The following MTAP variants were observed in gnomAD, a reference collection of about 807,000 sequenced individuals.
MTAP encodes methylthioadenosine phosphorylase.
Under a neutral mutation model 33.6 loss-of-function variants are expected in MTAP, and 33 were observed. That is an observed-to-expected ratio of 0.98 (90% confidence interval 0.74 to 1.31). MTAP has a LOEUF of 1.31. Ranked by LOEUF, MTAP falls within the 40% of genes most tolerant of loss-of-function variation. The pLI, the probability that MTAP is intolerant of heterozygous loss-of-function variation, is 0.00. For missense variants in MTAP, 367 were observed against 360.0 expected, an observed-to-expected ratio of 1.02 and a Z score of -0.16; for synonymous variants, 148 against 125.7, an observed-to-expected ratio of 1.18 and a Z score of -1.19.
chr9:21,856,907 C>T (rs575221797), intron 6 of MTAP, among the ~76,000 whole-genome samples: 2 of 152,282 alleles, frequency 1.3e-5, no homozygotes, highest in African/African-American at 4.8e-5. Flanking sequence ...TAGAATGAAG[C>T]CAGGGCTCTG....
chr9:21,815,740 T>A, intron 2 of MTAP: 1 of 519,496 alleles, frequency 1.9e-6, no homozygotes, highest in East Asian at 3.6e-5. Context: ...AAATGGCTAC[T>A]TAGTATGTAA....
rs117279117 is a variant in MTAP at position 21,853,630 on chromosome 9, G to C, written c.451-1001G>C. Among the ~76,000 whole-genome samples the C allele has an allele frequency of 6.7e-3, 1,018 of 152,302 alleles. 22 individuals carry two copies. The highest frequency in any genetic ancestry group is 0.053 in the East Asian group (276 of 5,178). On this transcript the variant is annotated intron_variant, in intron 5 of 7. Transcript: ENST00000644715. ...TTTATTTATATAGTATCCCAGGAAG[G>C]TTAGCCAAATATGTGTAGAAGCTGC...
At chr9:21,826,856 G>A (rs1338791322) in intron 4 of MTAP, among the ~76,000 whole-genome samples, 2 of 151,992 alleles carry the variant, frequency 1.3e-5, no homozygotes, top group Non-Finnish European at 2.9e-5. Context: ...GCGAGAGCGA[G>A]CATTACCACC....
At chr9:21,868,848 A>C (rs1382361368), downstream of MTAP, among the ~76,000 whole-genome samples, 1 of 152,180 alleles carries the variant, frequency 6.6e-6, no homozygotes, top group African/African-American at 2.4e-5. Context: ...TGGAGGGCTT[A>C]TTAAAACAGG....
At chr9:21,802,938 G>A in intron 1 of MTAP, 157 bp downstream of exon 1, 1 of 1,416,128 alleles carries the variant, frequency 7.1e-7, no homozygotes, top group Non-Finnish European at 9.1e-7. Context: ...CTCACTTGCC[G>A]CGCGAGGAGA....
intron 1 of MTAP, among the ~76,000 whole-genome samples, chr9:21,920,874 T>G (rs1176799858): frequency 6.6e-6 from 1 of 152,214 alleles, no homozygotes; most frequent in Non-Finnish European, 1.5e-5. Context: ...GGCCTAACAC[T>G]CTTTTTTTCT....
intron 4 of MTAP, among the ~76,000 whole-genome samples, chr9:21,830,623 GAT>G (rs1824943060): frequency 6.6e-6 from 1 of 152,148 alleles, no homozygotes; most frequent in African/African-American, 2.4e-5. Context: ...GCTCTCATAA[GAT>G]ATGTACTCCC....
In MTAP at chr9:21,847,554, A is replaced by T. The variant is rs1047216550; in HGVS notation, c.451-7077A>T. 3.7e-4 allele frequency among the ~76,000 whole-genome samples: 57 copies of T among 152,218 alleles called. 1 individual carries two copies. The highest frequency in any genetic ancestry group is 1.2e-3 in the African/African-American group (51 of 41,462). On this transcript the variant is annotated intron_variant, in intron 5 of 7. Transcript: ENST00000644715. The stretch of plus-strand genomic sequence containing the variant: ...CCTGATTCATCACTCGTGAGAGGCA[A>T]GGACTCTACATAATACCTTTGACCA...
intron 5 of MTAP, among the ~76,000 whole-genome samples, chr9:21,843,932 T>A (rs1033920425): frequency 6.6e-5 from 10 of 151,748 alleles, no homozygotes; most frequent in African/African-American, 2.4e-4. Flanking sequence ...AACAAAAAAA[T>A]ACAAAAGATA....
chr9:21,845,025 C>T (rs546983869), intron 5 of MTAP, among the ~76,000 whole-genome samples: 20 of 118,010 alleles, frequency 1.7e-4, no homozygotes, highest in Admixed American at 2.7e-4. Flanking sequence ...AGCGAGACTC[C>T]GTCTCAAAAA....
Position 21,837,936 on chromosome 9 carries a change from G to A in MTAP, c.376G>A (p.Asp126Asn), listed in dbSNP as rs1825150126. 1.9e-6 allele frequency: 3 copies of A among 1,613,992 alleles called. No homozygotes were observed. The Admixed American group carries it at 5.0e-5, about 27-fold the overall frequency. ...RTTMRPQSFY[D>N]GSHSCARGVC... ...CACTATGAGACCTCAGTCCTTCTAT[G>A]ATGGAAGTCATTCTTGTGCCAGAGG... is the stretch of plus-strand genomic sequence containing the variant. Residue 126 changes from aspartate to asparagine, a missense_variant, in exon 5 of 8, where the codon GAT becomes AAT. Coordinates refer to ENST00000644715, the MANE Select transcript of MTAP (RefSeq NM_002451.4).
chr9:21,844,226 A>C (rs1445997301), intron 5 of MTAP, among the ~76,000 whole-genome samples: 1 of 152,188 alleles, frequency 6.6e-6, no homozygotes, highest in Non-Finnish European at 1.5e-5. Context: ...GGAAGATTGA[A>C]ACAGTAATTT....
At chr9:21,878,707 G>C (rs1000747767) in intron 1 of MTAP, among the ~76,000 whole-genome samples, 5 of 152,064 alleles carry the variant, frequency 3.3e-5, no homozygotes, top group African/African-American at 1.2e-4. Context: ...GCCATAAACT[G>C]TCCTGTTAAT....
At chr9:21,859,917 C>T (rs566003980) in intron 7 of MTAP, 5 of 152,328 alleles carry the variant, frequency 3.3e-5, no homozygotes, top group Non-Finnish European at 7.3e-5. Flanking sequence ...CTAGTATTCT[C>T]AGAATATAAT....
chr9:21,858,318 GTA>G (rs1347589518), intron 6 of MTAP, among the ~76,000 whole-genome samples: 1 of 152,102 alleles, frequency 6.6e-6, no homozygotes, highest in Non-Finnish European at 1.5e-5. Context: ...ATTGAAATCT[GTA>G]TTAGTCTGTT....
chr9:21,851,917 C>G (rs1387832961), intron 5 of MTAP, among the ~76,000 whole-genome samples: 1 of 152,206 alleles, frequency 6.6e-6, no homozygotes, highest in Non-Finnish European at 1.5e-5. Context: ...AGTTTTGGAA[C>G]TTGGACTGTC....
chr9:21,887,689 T>C (rs968578135), intron 1 of MTAP, among the ~76,000 whole-genome samples: 1 of 152,214 alleles, frequency 6.6e-6, no homozygotes, highest in Admixed American at 6.5e-5. Context: ...ATCGCCACAC[T>C]GACTTCCGCA....
At chr9:21,869,559 C>T (rs115132450), downstream of MTAP, among the ~76,000 whole-genome samples, 1,804 of 152,190 alleles carry the variant, frequency 0.012, 39 homozygotes, top group African/African-American at 0.04. Flanking sequence ...TCACTTGTTC[C>T]TTGGTGGTCA....
At chr9:21,868,745 A>G (rs1239828987), downstream of MTAP, among the ~76,000 whole-genome samples, 2 of 152,164 alleles carry the variant, frequency 1.3e-5, no homozygotes, top group Non-Finnish European at 2.9e-5. Context: ...AACACTTTCA[A>G]GACCCCCCTC....
Sources: allele counts gnomAD v4.1 joint callset (sites outside exome capture counted in the v4.1 genomes callset), GRCh38; gene constraint gnomAD v4.1.1; transcripts MANE v1.5; gene names NCBI Gene and HGNC (gene_info 2026-07-23, HGNC 2026-07-21).